The following CAP2 variants were observed in gnomAD, a reference collection of about 807,000 sequenced individuals.
CAP2 encodes cyclase associated actin cytoskeleton regulatory protein 2, also known as adenylyl cyclase-associated protein 2.
A neutral mutation model predicts 57.7 loss-of-function variants in CAP2; 24 were observed. That is an observed-to-expected ratio of 0.42 (90% confidence interval 0.30 to 0.58). CAP2 has a LOEUF of 0.58. CAP2 is among the 20% of genes least tolerant of loss of function. CAP2 has a pLI of 0.22. For synonymous variants in CAP2, 194 were observed against 207.2 expected, an observed-to-expected ratio of 0.94 and a Z score of 0.55; for missense variants, 501 against 590.3, an observed-to-expected ratio of 0.85 and a Z score of 1.57.
chr6:17,529,640 C>CAAA lies in CAP2; in HGVS notation c.637-9619_637-9617dup, dbSNP rs1554129487. Among the ~76,000 whole-genome samples, 549 of 117,256 alleles carry CAAA rather than the reference C, an allele frequency of 4.7e-3. 11 individuals are homozygous for CAAA. The highest frequency in any genetic ancestry group is 0.016 in the African/African-American group (413 of 25,754). The allele number at this position is 117,256 out of a possible 152,430, so 76.9% of individuals were successfully genotyped here. A position where few individuals can be genotyped will look rare whatever the true frequency, so the allele number is the denominator to read the frequency against. The stretch of plus-strand genomic sequence containing the variant: ...TGGGCAACAGAGCAAGACTCCGTCT[C>CAAA]AAAAAAAAAAAATATATATATATAT... On this transcript the variant is annotated intron_variant, in intron 7 of 12. Coordinates refer to ENST00000229922, the MANE Select transcript of CAP2 (RefSeq NM_006366.3).
intron 3 of CAP2, 32 bp downstream of exon 3, chr6:17,426,722 G>A (rs755646986): frequency 1.4e-6 from 2 of 1,457,934 alleles, no homozygotes; most frequent in Admixed American, 1.7e-5. Context: ...TCTCAGTAGA[G>A]AGTTTAAACT....
chr6:17,434,588 C>A lies in CAP2; in HGVS notation c.222+7898C>A, dbSNP rs182412016. ...TAAAAAATTGAAGCCAGGAAAAGCACCACGTGTACTTTGTGTAGTAACGTG... is the reference window on the plus strand; with the variant it reads ...TAAAAAATTGAAGCCAGGAAAAGCAACACGTGTACTTTGTGTAGTAACGTG... On this transcript the variant is annotated intron_variant, in intron 3 of 12. Coordinates refer to ENST00000229922, the MANE Select transcript of CAP2 (RefSeq NM_006366.3). 3.9e-5 allele frequency among the ~76,000 whole-genome samples: 6 copies of A among 152,314 alleles called. No homozygotes were observed. In the East Asian group the frequency reaches 1.2e-3, roughly 29 times the overall value.
intron 1 of CAP2, among the ~76,000 whole-genome samples, chr6:17,404,774 A>C (rs1479909684): frequency 6.6e-6 from 1 of 151,674 alleles, no homozygotes; most frequent in Non-Finnish European, 1.5e-5. Flanking sequence ...CCATCTCAAA[A>C]AAAAAAAAAA....
chr6:17,479,932 G>A (rs1404915639), intron 4 of CAP2, among the ~76,000 whole-genome samples: 1 of 151,808 alleles, frequency 6.6e-6, no homozygotes, highest in East Asian at 1.9e-4. Flanking sequence ...TTTAATATAA[G>A]GGTATTACAA....
chr6:17,440,612 G>GA (rs1554122854), intron 3 of CAP2, among the ~76,000 whole-genome samples: 1 of 72,802 alleles, frequency 1.4e-5, no homozygotes, highest in Non-Finnish European at 2.7e-5. Context: ...CAAACTGTGT[G>GA]TGGTGTGTGT....
Position 17,402,757 on chromosome 6 carries a change from T to C in CAP2, c.-2+9011T>C, listed in dbSNP as rs148190839. On this transcript the variant is annotated intron_variant, in intron 1 of 12. Coordinates refer to ENST00000229922, the MANE Select transcript of CAP2 (RefSeq NM_006366.3). ...CATAAAGTTTATTTGCATGTCTGTATGACTTGCTTTACTATCAGTTTTCTG... is the reference window on the plus strand; with the variant it reads ...CATAAAGTTTATTTGCATGTCTGTACGACTTGCTTTACTATCAGTTTTCTG... Among the ~76,000 whole-genome samples, 142 of 152,344 alleles carry C rather than the reference T, an allele frequency of 9.3e-4. 1 individual carries two copies. The highest frequency in any genetic ancestry group is 3.1e-3 in the African/African-American group (131 of 41,588).
intron 1 of CAP2, among the ~76,000 whole-genome samples, chr6:17,415,229 T>C (rs1759244526): frequency 6.6e-6 from 1 of 152,210 alleles, no homozygotes; most frequent in South Asian, 2.1e-4. Context: ...ACCCACCTCT[T>C]TTATTAACAT....
intron 12 of CAP2, among the ~76,000 whole-genome samples, chr6:17,553,097 G>T (rs763237909): frequency 1.3e-5 from 2 of 152,152 alleles, no homozygotes; most frequent in Non-Finnish European, 2.9e-5. Flanking sequence ...AAATTGGAGG[G>T]AGCCCTGGCC....
At chr6:17,543,184 C>G in intron 11 of CAP2, 41 bp downstream of exon 11, 1 of 1,508,784 alleles carries the variant, frequency 6.6e-7, no homozygotes, top group Non-Finnish European at 9.2e-7. Context: ...TAAGCAGAGC[C>G]TTTCCAACCA....
intron 1 of CAP2, among the ~76,000 whole-genome samples, chr6:17,403,810 C>G (rs2113504676): frequency 6.6e-6 from 1 of 152,190 alleles, no homozygotes; most frequent in East Asian, 1.9e-4. Context: ...CCAGCCTGTT[C>G]CAGTATTCTT....
chr6:17,493,367 TTCTC>T (rs1426987288), intron 4 of CAP2: 2 of 355,928 alleles, frequency 5.6e-6, no homozygotes, highest in Non-Finnish European at 1.2e-5. Context: ...TAAAGGTTGT[TTCTC>T]TCTACAGGCC....
At chr6:17,512,617 G>A (rs192898330) in intron 6 of CAP2, among the ~76,000 whole-genome samples, 2 of 152,284 alleles carry the variant, frequency 1.3e-5, no homozygotes, top group Admixed American at 1.3e-4. Flanking sequence ...TACAGACTTA[G>A]GAAACTAACA....
At chr6:17,484,024 C>A (rs1256695582) in intron 4 of CAP2, among the ~76,000 whole-genome samples, 1 of 151,986 alleles carries the variant, frequency 6.6e-6, no homozygotes, top group Non-Finnish European at 1.5e-5. Flanking sequence ...GCAACTGCTA[C>A]ACTCCCAAGC....
chr6:17,407,002 C>T (rs530177571), intron 1 of CAP2, among the ~76,000 whole-genome samples: 1 of 152,264 alleles, frequency 6.6e-6, no homozygotes, highest in East Asian at 1.9e-4. Context: ...TTTGATTCTT[C>T]TCAATTCATG....
intron 3 of CAP2, among the ~76,000 whole-genome samples, chr6:17,451,970 C>G (rs1186595153): frequency 6.6e-6 from 1 of 152,190 alleles, no homozygotes; most frequent in East Asian, 1.9e-4. Context: ...AATCCCACTA[C>G]TTGAAGGTAA....
chr6:17,508,359 A>G (rs1762043853), intron 6 of CAP2, among the ~76,000 whole-genome samples: 1 of 152,176 alleles, frequency 6.6e-6, no homozygotes, highest in Admixed American at 6.5e-5. Context: ...CTTAAACTGG[A>G]GTCAGAATAG....
At chr6:17,421,839 G>C (rs774505678) in intron 2 of CAP2, among the ~76,000 whole-genome samples, 163 bp downstream of exon 2, 1 of 152,198 alleles carries the variant, frequency 6.6e-6, no homozygotes, top group Admixed American at 6.5e-5. Context: ...CCCTGAAAAA[G>C]AGAAAGGAAG....
At chr6:17,418,011 A>T (rs938503624) in intron 1 of CAP2, among the ~76,000 whole-genome samples, 1 of 152,162 alleles carries the variant, frequency 6.6e-6, no homozygotes, top group African/African-American at 2.4e-5. Flanking sequence ...CCTTGTCAAA[A>T]CTTGGCTAAA....
At chr6:17,434,067 C>T (rs1293942051) in intron 3 of CAP2, among the ~76,000 whole-genome samples, 23 of 152,144 alleles carry the variant, frequency 1.5e-4, no homozygotes, top group South Asian at 4.1e-4. Context: ...GCTGAAACAA[C>T]GAGTCAGATT....
Sources: allele counts gnomAD v4.1 joint callset (sites outside exome capture counted in the v4.1 genomes callset), GRCh38; gene constraint gnomAD v4.1.1; transcripts MANE v1.5; gene names NCBI Gene and HGNC (gene_info 2026-07-23, HGNC 2026-07-21).